Variants in SRGAP2B observed in about 807,000 individuals in gnomAD.
SRGAP2B encodes SLIT-ROBO Rho GTPase-activating protein 2B.
SRGAP2B carries 9 observed loss-of-function variants against 22.2 expected under a neutral mutation model. The observed-to-expected ratio is 0.41, with a 90% confidence interval of 0.24 to 0.71. SRGAP2B has a LOEUF of 0.71. Ranked by LOEUF, SRGAP2B falls within the 30% of genes least tolerant of loss-of-function variation. The probability of loss-of-function intolerance (pLI) is 0.35; values close to 1 mark genes in which losing one functional copy is unlikely to be tolerated. For synonymous variants in SRGAP2B, 36 were observed against 87.4 expected (o/e 0.41, Z 3.28); for missense variants, 114 against 235.8 (o/e 0.48, Z 3.38).
chr1:145,026,921 A>AT (rs1190260999), intron 2 of SRGAP2B, among the ~76,000 whole-genome samples: 1 of 115,986 alleles, frequency 8.6e-6, no homozygotes, highest in African/African-American at 3.4e-5. Context: ...ATGTGGTAAG[A>AT]TTTTTTTGTT....
chr1:144,904,964 T>A (rs1441921339), intron 7 of SRGAP2B, 127 bp downstream of exon 7: 1 of 549,634 alleles, frequency 1.8e-6, no homozygotes, highest in Non-Finnish European at 3.2e-6. Flanking sequence ...TGTTGGATCA[T>A]GGCTGCTATC....
chr1:145,067,265 G>A (rs1461191912), intron 2 of SRGAP2B, among the ~76,000 whole-genome samples: 1 of 146,146 alleles, frequency 6.8e-6, no homozygotes, highest in Non-Finnish European at 1.5e-5. Context: ...CTCCAGCCTG[G>A]ACAACAGAAC....
chr1:144,921,087 A>G (rs1242971536), intron 4 of SRGAP2B, among the ~76,000 whole-genome samples: 1 of 148,066 alleles, frequency 6.8e-6, no homozygotes, highest in East Asian at 2.0e-4. Context: ...AGAAAGATGG[A>G]CATTAATCTA....
chr1:144,987,818 C>T (rs1553616275), intron 3 of SRGAP2B, among the ~76,000 whole-genome samples: 1 of 150,802 alleles, frequency 6.6e-6, no homozygotes, highest in Non-Finnish European at 1.5e-5. Context: ...TCTTTTGCAA[C>T]ACAAAAATGA....
intron 4 of SRGAP2B, among the ~76,000 whole-genome samples, chr1:144,925,729 A>G (rs1306226743): frequency 8.2e-5 from 3 of 36,470 alleles, no homozygotes; most frequent in Non-Finnish European, 1.9e-4. Context: ...AGAGAAAGAA[A>G]AGAAAGAAAG....
intron 2 of SRGAP2B, among the ~76,000 whole-genome samples, chr1:145,090,286 G>A (rs587678368): frequency 4.0e-4 from 59 of 148,154 alleles, no homozygotes; most frequent in South Asian, 3.0e-3. Flanking sequence ...AGCTCCACGA[G>A]GGTAGAGACT....
intron 3 of SRGAP2B, among the ~76,000 whole-genome samples, chr1:144,957,302 A>G (rs1247731930): frequency 6.7e-6 from 1 of 149,538 alleles, no homozygotes; most frequent in Non-Finnish European, 1.5e-5. Context: ...GGCTTTTCCA[A>G]TTCTATAGTA....
intron 5 of SRGAP2B, among the ~76,000 whole-genome samples, chr1:144,909,298 G>C (rs1170731091): frequency 6.9e-6 from 1 of 144,348 alleles, no homozygotes; most frequent in Admixed American, 6.9e-5. Context: ...GAAAGTCTGA[G>C]AACAGGCCGG....
chr1:144,971,434 A>G (rs1570893057), intron 3 of SRGAP2B, among the ~76,000 whole-genome samples: 1 of 149,962 alleles, frequency 6.7e-6, no homozygotes, highest in South Asian at 2.1e-4. Context: ...CCCGGCCCAT[A>G]CTTTTTTTTT....
At chr1:144,982,541 C>G (rs1669385095) in intron 3 of SRGAP2B, among the ~76,000 whole-genome samples, 2 of 149,934 alleles carry the variant, frequency 1.3e-5, no homozygotes, top group Non-Finnish European at 2.9e-5. Flanking sequence ...CAAACATTAG[C>G]TAGTGCTGTA....
rs1372804640 is a variant in SRGAP2B, at chr1:145,015,091, T to G, written c.68-19891A>C. ...CTCTGAAAGAAGTTCATTTTTTTTT[T>G]TTTGAGACAGAGTCTCACTTGGTTG... On this transcript the variant is annotated intron_variant, in intron 2 of 9. Transcript: ENST00000612199. Among the ~76,000 whole-genome samples, 5 of 145,716 alleles carry G rather than the reference T, an allele frequency of 3.4e-5. 1 individual carries two copies. The highest frequency in any genetic ancestry group is 1.3e-4 in the African/African-American group (5 of 37,782).
intron 3 of SRGAP2B, among the ~76,000 whole-genome samples, chr1:144,957,875 G>T (rs1324271980): frequency 6.8e-6 from 1 of 147,808 alleles, no homozygotes; most frequent in Non-Finnish European, 1.5e-5. Context: ...TAAAGGGGCA[G>T]ATCTCATGAG....
chr1:144,932,078 G>A (rs1201109795), intron 4 of SRGAP2B, among the ~76,000 whole-genome samples: 5 of 147,910 alleles, frequency 3.4e-5, no homozygotes, highest in Non-Finnish European at 7.4e-5. Flanking sequence ...AAAGGAAATC[G>A]CTTCTTGATC....
At position 144,970,266 on chromosome 1, in the gene SRGAP2B, G is replaced by A. The variant is rs1553613019; in HGVS notation, c.261-14665C>T. On this transcript the variant is annotated intron_variant, in intron 3 of 9. Coordinates refer to ENST00000612199, the Ensembl canonical transcript of SRGAP2B. Reference sequence around the variant, plus strand: ...CCAACCCAAATGTCCAACAATGATAGACTGGATTAAGAAAATGTGGCACAT... The same window carrying A: ...CCAACCCAAATGTCCAACAATGATAAACTGGATTAAGAAAATGTGGCACAT... 1.8e-5 allele frequency among the ~76,000 whole-genome samples: 2 copies of A among 113,270 alleles called. 1 individual carries two copies. The highest frequency in any genetic ancestry group is 7.6e-5 in the African/African-American group (2 of 26,348). 74.3% of individuals were successfully genotyped at this position (113,270 alleles called of 152,430 possible). A position where few individuals can be genotyped will look rare whatever the true frequency, so the allele number is the denominator to read the frequency against.
chr1:144,971,903 T>C (rs1393688043), intron 3 of SRGAP2B, among the ~76,000 whole-genome samples: 5 of 150,196 alleles, frequency 3.3e-5, no homozygotes, highest in African/African-American at 1.3e-4. Context: ...ACCGTTTTCT[T>C]ATTTCATTGT....
intron 3 of SRGAP2B, among the ~76,000 whole-genome samples, chr1:144,971,565 G>A (rs1466463080): frequency 6.6e-6 from 1 of 150,832 alleles, no homozygotes; most frequent in Non-Finnish European, 1.5e-5. Context: ...AAAGTGCCAG[G>A]CTCACAATTA....
At position 144,944,586 on chromosome 1, in the gene SRGAP2B, C is replaced by CAAAA. The variant is rs3061760; in HGVS notation, c.423+10849_423+10852dup. ...TGGGTGACAAAGTGAGTCTCCATCT[C>CAAAA]AAAAAAAAAAAAAAAAAAAAAAAAA... On this transcript the variant is annotated intron_variant, in intron 4 of 9. Transcript: ENST00000612199. Among the ~76,000 whole-genome samples the CAAAA allele has an allele frequency of 3.6e-3, 65 of 17,920 alleles. 5 individuals are homozygous for CAAAA. Among genetic ancestry groups the CAAAA allele is most frequent in the African/African-American group, 0.014 (62 of 4,508 alleles). 11.8% of individuals were successfully genotyped at this position (17,920 alleles called of 152,430 possible).
At chr1:145,002,521 G>T (rs1189693138) in intron 2 of SRGAP2B, among the ~76,000 whole-genome samples, 1 of 112,614 alleles carries the variant, frequency 8.9e-6, no homozygotes, top group Non-Finnish European at 1.8e-5. Flanking sequence ...TTTGAGACCA[G>T]CCTGGTCAAC....
At chr1:144,954,350 A>C (rs1165659588) in intron 4 of SRGAP2B, among the ~76,000 whole-genome samples, 48 of 152,012 alleles carry the variant, frequency 3.2e-4, no homozygotes, top group African/African-American at 1.1e-3. Flanking sequence ...ATTCCTGAGA[A>C]CTGGAAAGCT....
Sources: allele counts gnomAD v4.1 joint callset (sites outside exome capture counted in the v4.1 genomes callset), GRCh38; gene constraint gnomAD v4.1.1; transcripts MANE v1.5; gene names NCBI Gene and HGNC (gene_info 2026-07-23, HGNC 2026-07-21).